ARHGAP40: variants seen among roughly 807,000 people sequenced by gnomAD.
The protein encoded by ARHGAP40 is Rho GTPase activating protein 40, also known as rho GTPase-activating protein 40.
Under a neutral mutation model 73.5 loss-of-function variants are expected in ARHGAP40, and 43 were observed. That is an observed-to-expected ratio of 0.58 (90% CI 0.46 to 0.75). The LOEUF (loss-of-function observed/expected upper bound fraction) is 0.75. ARHGAP40 is among the 30% of genes least tolerant of loss of function. ARHGAP40 has a pLI of 0.00. For missense variants in ARHGAP40, 734 were observed against 861.8 expected, an observed-to-expected ratio of 0.85 and a Z score of 1.86; for synonymous variants, 300 against 352.8, an observed-to-expected ratio of 0.85 and a Z score of 1.68.
chr20:38,619,177 C>T (rs570619642), intron 1 of ARHGAP40, among the ~76,000 whole-genome samples: 5 of 152,228 alleles, frequency 3.3e-5, no homozygotes, highest in East Asian at 1.9e-4. Context: ...GTACGTGAGA[C>T]GAGGCTAGAA....
At chr20:38,648,455 C>G (rs78353244) in intron 13 of ARHGAP40, among the ~76,000 whole-genome samples, 188 bp from the exon 14 acceptor site, 1 of 152,196 alleles carries the variant, frequency 6.6e-6, no homozygotes, top group Non-Finnish European at 1.5e-5. Context: ...CTCCCCAGCC[C>G]CTGGGTGCTG....
At chr20:38,616,549 TAC>T (rs1478986582) in intron 1 of ARHGAP40, among the ~76,000 whole-genome samples, 5 of 152,212 alleles carry the variant, frequency 3.3e-5, no homozygotes, top group African/African-American at 1.2e-4. Context: ...AGCGGCTTAT[TAC>T]ACAGTGGTTG....
intron 11 of ARHGAP40, among the ~76,000 whole-genome samples, chr20:38,644,321 C>T (rs1278714543): frequency 6.6e-6 from 1 of 152,072 alleles, no homozygotes; most frequent in Non-Finnish European, 1.5e-5. Flanking sequence ...GTGAGCTTTG[C>T]CCTGAGTAAC....
intron 1 of ARHGAP40, among the ~76,000 whole-genome samples, chr20:38,604,366 A>C (rs2088758387): frequency 6.6e-6 from 1 of 152,180 alleles, no homozygotes; most frequent in African/African-American, 2.4e-5. Context: ...CAAAACAACA[A>C]AAGCAACATT....
intron 6 of ARHGAP40, among the ~76,000 whole-genome samples, chr20:38,636,413 C>G (rs1320516901): frequency 6.6e-6 from 1 of 151,940 alleles, no homozygotes; most frequent in Non-Finnish European, 1.5e-5. Flanking sequence ...CAGGTATGTG[C>G]CATCATGCCC....
chr20:38,639,905 A>C (rs1468190671), intron 9 of ARHGAP40, among the ~76,000 whole-genome samples: 1 of 152,228 alleles, frequency 6.6e-6, no homozygotes, highest in Non-Finnish European at 1.5e-5. Context: ...TTTCTCAAAA[A>C]AATACAGCAG....
At chr20:38,635,035 C>T (rs1250047671) in intron 6 of ARHGAP40, among the ~76,000 whole-genome samples, 1 of 152,064 alleles carries the variant, frequency 6.6e-6, no homozygotes, top group Admixed American at 6.5e-5. Flanking sequence ...GTGCGCACCA[C>T]CATGCCCAGC....
At chr20:38,634,100 C>T (rs936583759) in intron 5 of ARHGAP40, among the ~76,000 whole-genome samples, 1 of 152,096 alleles carries the variant, frequency 6.6e-6, no homozygotes, top group African/African-American at 2.4e-5. Context: ...GCTTGTAATT[C>T]CAGCACTTTG....
At chr20:38,622,162 G>A (rs780066330) in intron 1 of ARHGAP40, among the ~76,000 whole-genome samples, 1 of 152,076 alleles carries the variant, frequency 6.6e-6, no homozygotes, top group Non-Finnish European at 1.5e-5. Context: ...TAATCCAAAT[G>A]AGTCTTGTTT....
At chr20:38,603,962 G>C (rs1439359755) in intron 1 of ARHGAP40, among the ~76,000 whole-genome samples, 1 of 152,154 alleles carries the variant, frequency 6.6e-6, no homozygotes, top group African/African-American at 2.4e-5. Flanking sequence ...GGGCCCACTG[G>C]CTAATCCAGG....
chr20:38,627,515 GTA>G (rs2088907465), intron 3 of ARHGAP40, among the ~76,000 whole-genome samples: 1 of 88,376 alleles, frequency 1.1e-5, no homozygotes, highest in Admixed American at 1.1e-4. Context: ...CTGTGTGTTG[GTA>G]TGTGTGTTGG....
chr20:38,638,441 T>G (rs373016081), intron 7 of ARHGAP40, among the ~76,000 whole-genome samples: 1 of 152,288 alleles, frequency 6.6e-6, no homozygotes, highest in East Asian at 1.9e-4. Context: ...GGGGTGGATT[T>G]TCTTTTCTTT....
chr20:38,610,588 G>A (rs1326806760), intron 1 of ARHGAP40, among the ~76,000 whole-genome samples: 4 of 152,214 alleles, frequency 2.6e-5, no homozygotes, highest in African/African-American at 4.8e-5. Context: ...CATAGAAGCT[G>A]TATAATGGTT....
chr20:38,618,519 C>T (rs557376311), intron 1 of ARHGAP40, among the ~76,000 whole-genome samples: 6 of 152,134 alleles, frequency 3.9e-5, no homozygotes, highest in East Asian at 1.9e-4. Context: ...TGGGACAGAG[C>T]GGGCAAGAAT....
chr20:38,631,132 C>A (rs1445127757), intron 5 of ARHGAP40, among the ~76,000 whole-genome samples: 1 of 152,008 alleles, frequency 6.6e-6, no homozygotes, highest in Non-Finnish European at 1.5e-5. Context: ...GGCAACATAA[C>A]AATACCCCAT....
intron 5 of ARHGAP40, among the ~76,000 whole-genome samples, chr20:38,634,344 C>T (rs959068912): frequency 1.3e-5 from 2 of 152,072 alleles, no homozygotes; most frequent in African/African-American, 2.4e-5. Context: ...AGAGCAAGAC[C>T]GTGTTTCCAA....
At chr20:38,649,012 C>T (rs1211562319) in intron 14 of ARHGAP40, among the ~76,000 whole-genome samples, 1 of 152,172 alleles carries the variant, frequency 6.6e-6, no homozygotes, top group Non-Finnish European at 1.5e-5. Flanking sequence ...CTGGGACACC[C>T]TAGCTGGGAT....
intron 9 of ARHGAP40, among the ~76,000 whole-genome samples, chr20:38,640,900 A>G (rs1308398592): frequency 2.6e-5 from 4 of 152,212 alleles, no homozygotes; most frequent in Non-Finnish European, 5.9e-5. Context: ...AATGATGCCC[A>G]TCATACTCTG....
chr20:38,620,371 G>A (rs568777736), intron 1 of ARHGAP40, among the ~76,000 whole-genome samples: 44 of 152,256 alleles, frequency 2.9e-4, no homozygotes, highest in African/African-American at 8.9e-4. Context: ...TTAGCACTGC[G>A]GGTGTTTCAT....
Sources: gnomAD v4.1 joint callset for allele counts (sites outside exome capture counted in the v4.1 genomes callset) on GRCh38, gnomAD v4.1.1 for gene constraint, MANE v1.5 for transcripts, NCBI Gene and HGNC (gene_info 2026-07-23, HGNC 2026-07-21) for gene names.